Variants in SREK1 observed in about 807,000 individuals in gnomAD.
SREK1 encodes the protein splicing regulatory glutamic acid and lysine rich protein 1.
Under a neutral mutation model 66.5 loss-of-function variants are expected in SREK1, and 13 were observed. The ratio of observed to expected loss-of-function variants is 0.20; its 90% CI spans 0.13 to 0.31. The LOEUF is 0.31. Among genes scored for constraint, SREK1 ranks in the 10% least tolerant of loss-of-function variants. The pLI, the probability that SREK1 is intolerant of heterozygous loss-of-function variation, is 1.00. For synonymous variants in SREK1, 265 were observed against 263.5 expected, an observed-to-expected ratio of 1.01 and a Z score of -0.05; for missense variants, 607 against 769.6, an observed-to-expected ratio of 0.79 and a Z score of 2.50.
chr5:66,173,017 G>T (rs1296440560), intron 9 of SREK1, among the ~76,000 whole-genome samples: 2 of 151,480 alleles, frequency 1.3e-5, no homozygotes, highest in African/African-American at 4.9e-5. Flanking sequence ...TTATTTAATA[G>T]AGATGGGGTT....
At chr5:66,177,274 G>A (rs1338492795) in intron 10 of SREK1, 1 of 333,882 alleles carries the variant, frequency 3.0e-6, no homozygotes, top group Non-Finnish European at 5.4e-6. Flanking sequence ...AGTGTTTTAT[G>A]AGAACATATG....
At chr5:66,155,955 G>A in intron 2 of SREK1, 1 of 1,461,740 alleles carries the variant, frequency 6.8e-7, no homozygotes, top group African/African-American at 1.4e-5. Context: ...TAACAAGGGT[G>A]TCAGCCTAAT....
chr5:66,176,425 T>C (rs1746061141), intron 10 of SREK1, among the ~76,000 whole-genome samples: 1 of 152,160 alleles, frequency 6.6e-6, no homozygotes, highest in South Asian at 2.1e-4. Flanking sequence ...GTTATTTTTC[T>C]GCTTGAACAT....
chr5:66,177,603 G>T lies in SREK1; in HGVS notation c.1670G>T (p.Ser557Ile). ...GAACGTTCAACGTCTATGAGAAAGAGTTCTAATGATAGAGATGGGAAGGAG... is the reference window on the plus strand; with the variant it reads ...GAACGTTCAACGTCTATGAGAAAGATTTCTAATGATAGAGATGGGAAGGAG... ...ERERSTSMRK[S>I]SNDRDGKEKL... is the part of the protein sequence containing the mutation. Residue 557 changes from serine (S) to isoleucine (I), a missense_variant, in exon 11 of 12, where the codon AGT becomes ATT. Around this residue, in one of 5 missense-constraint regions of SREK1, gnomAD observed 318 missense variants for 310.3 expected, o/e 1.02. Coordinates refer to ENST00000334121, the MANE Select transcript of SREK1 (RefSeq NM_001077199.3). 6.2e-7 allele frequency: 1 copy of T among 1,610,916 alleles called. No homozygotes were observed. Among genetic ancestry groups the T allele is most frequent in the Non-Finnish European group, 8.5e-7 (1 of 1,178,374 alleles).
At chr5:66,172,532 A>G (rs974548919) in intron 9 of SREK1, among the ~76,000 whole-genome samples, 2 of 152,016 alleles carry the variant, frequency 1.3e-5, no homozygotes, top group African/African-American at 4.8e-5. Context: ...AGTAGCTGGG[A>G]TTACAGGTGT....
chr5:66,162,633 CATTT>C, intron 5 of SREK1, 41 bp downstream of exon 5: 1 of 1,528,054 alleles, frequency 6.5e-7, no homozygotes, highest in Non-Finnish European at 8.8e-7. Flanking sequence ...GATTTTGAAA[CATTT>C]AAAGTATTTT....
chr5:66,151,634 A>G (rs1284525071), intron 1 of SREK1, among the ~76,000 whole-genome samples: 1 of 152,130 alleles, frequency 6.6e-6, no homozygotes, highest in African/African-American at 2.4e-5. Flanking sequence ...AGAGCTCACA[A>G]GAGGCCTGAA....
chr5:66,170,189 A>T lies in SREK1; in HGVS notation c.1121+19A>T. On this transcript the variant is annotated intron_variant, in intron 8 of 11. Coordinates refer to ENST00000334121, the MANE Select transcript of SREK1 (RefSeq NM_001077199.3). ...ATTCACGGTGAGTTTTAGAGAAATT[A>T]ACAATAATTTTTTTTTCCTCAGAGT... The T allele has an allele frequency of 6.3e-7, 1 of 1,599,084 alleles. No homozygotes were observed. Among genetic ancestry groups the T allele is most frequent in the Non-Finnish European group, 8.5e-7 (1 of 1,175,140 alleles).
At position 66,177,585 on chromosome 5, in the gene SREK1, C is replaced by T. The variant is rs911734869; in HGVS notation, c.1652C>T (p.Ser551Leu). ...AGTGAAAGAAGAGAGAGAGAACGTTCAACGTCTATGAGAAAGAGTTCTAAT... is the reference window on the plus strand; with the variant it reads ...AGTGAAAGAAGAGAGAGAGAACGTTTAACGTCTATGAGAAAGAGTTCTAAT... Reference protein sequence around the residue: ...HISERRERERSTSMRKSSNDR... With the variant: ...HISERRERERLTSMRKSSNDR... The change falls in exon 11 of 12, where the codon TCA becomes TTA. Residue 551 changes from serine to leucine, a missense_variant. Coordinates refer to ENST00000334121, the MANE Select transcript of SREK1 (RefSeq NM_001077199.3). The T allele has an allele frequency of 1.2e-6, 2 of 1,610,796 alleles. No individual in the cohort carries two copies. The highest frequency in any genetic ancestry group is 2.7e-5 in the African/African-American group (2 of 74,766).
chr5:66,163,580 T>TC (rs35307454), intron 5 of SREK1: 1 of 381,702 alleles, frequency 2.6e-6, no homozygotes, highest in East Asian at 4.3e-5. Flanking sequence ...TTTTCTTTTC[T>TC]CCCTGCTTTT....
intron 3 of SREK1, among the ~76,000 whole-genome samples, chr5:66,161,216 G>T (rs1009656294): frequency 2.0e-5 from 3 of 152,180 alleles, no homozygotes; most frequent in Non-Finnish European, 4.4e-5. Flanking sequence ...ATACTCATCT[G>T]TGTTTTTCAA....
chr5:66,159,422 A>T (rs879030685), intron 3 of SREK1, 88 bp downstream of exon 3: 5 of 985,784 alleles, frequency 5.1e-6, no homozygotes, highest in Non-Finnish European at 6.8e-6. Flanking sequence ...TTGCATTTGG[A>T]TCTTCTTCTT....
intron 7 of SREK1, chr5:66,168,334 A>C (rs1745332254): frequency 6.6e-6 from 1 of 152,074 alleles, no homozygotes; most frequent in Non-Finnish European, 1.5e-5. Flanking sequence ...TCTGGTTTCA[A>C]AGCATACCAC....
intron 1 of SREK1, among the ~76,000 whole-genome samples, chr5:66,145,671 T>C (rs1305219020): frequency 1.3e-5 from 2 of 151,688 alleles, no homozygotes; most frequent in East Asian, 1.9e-4. Context: ...GAGTAATACA[T>C]TGAACATCCA....
At chr5:66,171,021 GA>G (rs1167867569) in intron 9 of SREK1, 74 bp downstream of exon 9, 22 of 1,521,896 alleles carry the variant, frequency 1.4e-5, no homozygotes, top group Admixed American at 4.5e-5. Flanking sequence ...TACGGAGGGA[GA>G]AAAGGTTACT....
chr5:66,151,279 G>A (rs757280623), intron 1 of SREK1, among the ~76,000 whole-genome samples: 1 of 152,206 alleles, frequency 6.6e-6, no homozygotes, highest in Non-Finnish European at 1.5e-5. Flanking sequence ...GAGTCAAACA[G>A]TGGTTCTCAG....
rs1268236401 is a variant in SREK1 at position 66,180,837 on chromosome 5, CTG to C, written c.*1971_*1972del. On this transcript the variant is annotated 3_prime_UTR_variant, in exon 12 of 12. Coordinates refer to ENST00000334121, the MANE Select transcript of SREK1 (RefSeq NM_001077199.3). ...GTAGAAATAGAGCAAATGTTGGAAT[CTG>C]TTATTTTTAGTACCATGTCTTTAAT... 6.6e-6 allele frequency: 1 copy of C among 152,478 alleles called. No homozygotes were observed. The highest frequency in any genetic ancestry group is 2.4e-5 in the African/African-American group (1 of 41,398). 9.4% of individuals were successfully genotyped at this position (152,478 alleles called of 1,614,324 possible). A position where few individuals can be genotyped will look rare whatever the true frequency, so the allele number is the denominator to read the frequency against.
chr5:66,170,712 C>T lies in SREK1; in HGVS notation c.1249C>T (p.Arg417Trp), dbSNP rs1313616004. The change falls in exon 9 of 12, where the codon CGG (arginine) becomes TGG (tryptophan). Residue 417 changes from arginine to tryptophan, a missense_variant. This residue lies in a region of SREK1 where 318 missense variants were observed against 310.3 expected (regional missense o/e 1.02). Transcript: ENST00000334121. ...KEKERGKNKD[R>W]DKEREKDREK... ...AAAGGAACGGGGTAAAAACAAAGACCGGGACAAGGAACGGGAAAAGGACCG... is the reference window on the plus strand; with the variant it reads ...AAAGGAACGGGGTAAAAACAAAGACTGGGACAAGGAACGGGAAAAGGACCG... 5.6e-6 allele frequency: 9 copies of T among 1,601,768 alleles called. No homozygotes were observed. Among genetic ancestry groups the T allele is most frequent in the East Asian group, 2.2e-5 (1 of 44,584 alleles).
chr5:66,163,201 T>A (rs1159543047), intron 5 of SREK1: 3 of 152,322 alleles, frequency 2.0e-5, no homozygotes, highest in Non-Finnish European at 4.4e-5. Context: ...CTGTTAAGGA[T>A]AAGTTTTTAG....
Sources: allele counts gnomAD v4.1 joint callset (sites outside exome capture counted in the v4.1 genomes callset), GRCh38; gene constraint gnomAD v4.1.1; regional missense constraint gnomAD v4.1.1; transcripts MANE v1.5; gene names NCBI Gene and HGNC (gene_info 2026-07-23, HGNC 2026-07-21).